Variants in CTNND2 observed in about 807,000 individuals in gnomAD.
CTNND2 encodes the protein catenin delta-2.
CTNND2 carries 22 observed loss-of-function variants against 144.4 expected under a neutral mutation model. That is an observed-to-expected ratio of 0.15 (90% confidence interval 0.11 to 0.22). The LOEUF (loss-of-function observed/expected upper bound fraction) is 0.22. Among genes scored for constraint, CTNND2 ranks in the 10% least tolerant of loss-of-function variants. The pLI, the probability that CTNND2 is intolerant of heterozygous loss-of-function variation, is 1.00. For synonymous variants in CTNND2, 751 were observed against 695.6 expected (o/e 1.08, Z -1.25); for missense variants, 1,353 against 1,618.8 (o/e 0.84, Z 2.82).
At chr5:11,867,795 T>C (rs771254772) in intron 1 of CTNND2, among the ~76,000 whole-genome samples, 9 of 151,922 alleles carry the variant, frequency 5.9e-5, no homozygotes, top group Non-Finnish European at 1.0e-4. Flanking sequence ...TCAATACACC[T>C]AGTAAAACAC....
At chr5:11,537,191 A>G (rs1285628428) in intron 3 of CTNND2, among the ~76,000 whole-genome samples, 1 of 152,112 alleles carries the variant, frequency 6.6e-6, no homozygotes, top group Non-Finnish European at 1.5e-5. Flanking sequence ...GTGGATTTTC[A>G]GTTTTGTTTT....
At chr5:11,555,601 T>G (rs1776163632) in intron 3 of CTNND2, among the ~76,000 whole-genome samples, 1 of 152,040 alleles carries the variant, frequency 6.6e-6, no homozygotes, top group African/African-American at 2.4e-5. Context: ...AAAAAGTATT[T>G]TAGAATATCC....
chr5:11,159,619 G>A lies in CTNND2; in HGVS notation c.2116C>T (p.Leu706=), dbSNP rs762656036. The change falls in exon 12 of 22, where the codon CTG becomes TTG. Residue 706 remains leucine (L), a synonymous_variant. Coordinates refer to ENST00000304623, the MANE Select transcript of CTNND2 (RefSeq NM_001332.4). ...SPLQDDRKIQ[L]HSSQVLRNAT... is the part of the protein sequence containing the mutation. Reference sequence around the variant, plus strand: ...TTACGCAGCACCTGTGATGAATGCAGCTGTATTTTCCGATCATCCTGAAGA... The same window carrying A: ...TTACGCAGCACCTGTGATGAATGCAACTGTATTTTCCGATCATCCTGAAGA... 4.3e-6 allele frequency: 7 copies of A among 1,613,622 alleles called. No individual in the cohort carries two copies. The highest frequency in any genetic ancestry group is 3.4e-6 in the Non-Finnish European group (4 of 1,179,804).
intron 1 of CTNND2, among the ~76,000 whole-genome samples, chr5:11,734,759 C>G (rs942246309): frequency 6.6e-6 from 1 of 152,084 alleles, no homozygotes; most frequent in Non-Finnish European, 1.5e-5. Flanking sequence ...TTACGTATGT[C>G]TAGTTAATAA....
intron 2 of CTNND2, among the ~76,000 whole-genome samples, chr5:11,699,472 G>C (rs920432997): frequency 2.0e-5 from 3 of 152,120 alleles, no homozygotes; most frequent in African/African-American, 7.2e-5. Context: ...TTTGCTTATG[G>C]GGCATGAGAA....
intron 9 of CTNND2, among the ~76,000 whole-genome samples, chr5:11,239,266 C>T (rs992972448): frequency 5.2e-5 from 8 of 152,400 alleles, no homozygotes; most frequent in South Asian, 2.1e-4. Context: ...TGCACACATG[C>T]GTGCACCTGT....
At chr5:11,647,616 C>G (rs34592834) in intron 2 of CTNND2, among the ~76,000 whole-genome samples, 11,644 of 151,914 alleles carry the variant, frequency 0.077, 518 homozygotes, top group African/African-American at 0.096. Flanking sequence ...TATGACAACT[C>G]ACACCCCTAA....
chr5:11,382,595 CTGTGTGTGTGTGTGTGTGTGTGTG>C (rs71582432), intron 7 of CTNND2, among the ~76,000 whole-genome samples: 40 of 130,230 alleles, frequency 3.1e-4, no homozygotes, highest in African/African-American at 1.1e-3. Flanking sequence ...GAGTGAGACT[CTGTGTGTGTGTGTGTGTGTGTGTG>C]TGTGTGTGTG....
At chr5:11,643,277 CAT>C (rs1782164074) in intron 2 of CTNND2, among the ~76,000 whole-genome samples, 1 of 151,086 alleles carries the variant, frequency 6.6e-6, no homozygotes, top group African/African-American at 2.4e-5. Flanking sequence ...GGTACATGTA[CAT>C]AATGTGCAGG....
chr5:11,826,097 GT>G (rs901833232), intron 1 of CTNND2, among the ~76,000 whole-genome samples: 87 of 151,946 alleles, frequency 5.7e-4, no homozygotes, highest in African/African-American at 2.0e-3. Context: ...AAAGGAAAAA[GT>G]TTTAAAATTT....
intron 9 of CTNND2, among the ~76,000 whole-genome samples, chr5:11,325,731 T>C (rs145745622): frequency 1.7e-3 from 261 of 152,194 alleles, no homozygotes; most frequent in African/African-American, 5.9e-3. Flanking sequence ...AGGCTTTCTT[T>C]CCCAAGGGCT....
In CTNND2 at chr5:11,181,758, A is replaced by ATG. The variant is rs67991658; in HGVS notation, c.1975+17688_1975+17689dup. ...GTGGCATGTGTGTGTGGATGTGTGT[A>ATG]TGTGTGTGTGTGTGTGTCTGTGTGT... On this transcript the variant is annotated intron_variant, in intron 11 of 21. Transcript: ENST00000304623. 9.6e-3 allele frequency among the ~76,000 whole-genome samples: 856 copies of ATG among 89,166 alleles called. 3 individuals are homozygous for ATG. The highest frequency in any genetic ancestry group is 0.014 in the Non-Finnish European group (649 of 45,304). 58.5% of individuals were successfully genotyped at this position (89,166 alleles called of 152,430 possible).
At chr5:11,323,893 G>C (rs550042238) in intron 9 of CTNND2, among the ~76,000 whole-genome samples, 40 of 152,244 alleles carry the variant, frequency 2.6e-4, no homozygotes, top group African/African-American at 8.9e-4. Context: ...TCCTAGCCAG[G>C]AACAGGATTC....
intron 12 of CTNND2, among the ~76,000 whole-genome samples, chr5:11,154,149 T>C (rs1358373727): frequency 2.0e-5 from 3 of 152,242 alleles, no homozygotes; most frequent in Non-Finnish European, 4.4e-5. Flanking sequence ...TAAATGACAC[T>C]GATATGGTGT....
chr5:11,582,342 G>A (rs551145366), intron 2 of CTNND2, among the ~76,000 whole-genome samples: 1 of 152,328 alleles, frequency 6.6e-6, no homozygotes, highest in Non-Finnish European at 1.5e-5. Flanking sequence ...TCACATCAGA[G>A]TGGGACCTGA....
chr5:11,089,758 C>T (rs924966955), intron 15 of CTNND2, among the ~76,000 whole-genome samples: 8 of 152,190 alleles, frequency 5.3e-5, no homozygotes, highest in African/African-American at 1.4e-4. Context: ...GCCTGTAATC[C>T]GAGCACTTTC....
At position 11,462,107 on chromosome 5, in the gene CTNND2, A is replaced by C. The variant is rs61758954; in HGVS notation, c.288-50038T>G. 5.6e-3 allele frequency among the ~76,000 whole-genome samples: 845 copies of C among 152,174 alleles called. 14 individuals are homozygous for C. Among genetic ancestry groups the C allele is most frequent in the African/African-American group, 0.019 (802 of 41,520 alleles). On this transcript the variant is annotated intron_variant, in intron 3 of 21. Transcript: ENST00000304623. ...TTCCTGAGATTTGGTCTCAGTGCTCACAAATGAATGTCCCCACCCCACTAT... is the reference window on the plus strand; with the variant it reads ...TTCCTGAGATTTGGTCTCAGTGCTCCCAAATGAATGTCCCCACCCCACTAT...
intron 2 of CTNND2, among the ~76,000 whole-genome samples, chr5:11,590,796 A>G (rs188748443): frequency 2.9e-4 from 44 of 152,272 alleles, no homozygotes; most frequent in African/African-American, 9.9e-4. Flanking sequence ...TCCACCACCT[A>G]TCCCAAACCT....
At chr5:11,397,308 C>T (rs1384967966) in intron 5 of CTNND2, 105 bp from the exon 6 acceptor site, 2 of 884,508 alleles carry the variant, frequency 2.3e-6, no homozygotes, top group Non-Finnish European at 3.2e-6. Context: ...GCACATGATT[C>T]CAGCCATCCA....
Sources: allele counts gnomAD v4.1 joint callset (sites outside exome capture counted in the v4.1 genomes callset), GRCh38; gene constraint gnomAD v4.1.1; transcripts MANE v1.5; gene names NCBI Gene and HGNC (gene_info 2026-07-23, HGNC 2026-07-21).